Variants in WDR27 observed in about 807,000 individuals in gnomAD.
The protein encoded by WDR27 is WD repeat-containing protein 27.
A neutral mutation model predicts 114.4 loss-of-function variants in WDR27; 100 were observed. The ratio of observed to expected loss-of-function variants is 0.87; its 90% CI spans 0.74 to 1.03. The LOEUF (loss-of-function observed/expected upper bound fraction) is 1.03, where lower values mean the gene tolerates loss of function less well. WDR27 is among the 50% of genes least tolerant of loss of function. WDR27 has a pLI of 0.00. For missense variants in WDR27, 1,129 were observed against 1,092.9 expected, an observed-to-expected ratio of 1.03 and a Z score of -0.47; for synonymous variants, 449 against 423.1, an observed-to-expected ratio of 1.06 and a Z score of -0.75.
rs1444877606 is a variant in WDR27 at position 169,686,551 on chromosome 6, A to C, written c.189+2266T>G. 4.6e-5 allele frequency among the ~76,000 whole-genome samples: 7 copies of C among 152,294 alleles called. No individual in the cohort carries two copies. The East Asian group carries it at 1.3e-3, about 29-fold the overall frequency. ...ACCAATAAAGACACACATAGTCTTA[A>C]AGTGAAGGGATGGAAAAATATATTC... On this transcript the variant is annotated intron_variant, in intron 2 of 25. Coordinates refer to ENST00000448612, the MANE Select transcript of WDR27 (RefSeq NM_182552.5).
intron 17 of WDR27, among the ~76,000 whole-genome samples, chr6:169,641,850 G>A (rs1318820863): frequency 2.0e-5 from 3 of 152,264 alleles, no homozygotes; most frequent in Admixed American, 6.5e-5. Context: ...CGTCACAGAT[G>A]ACGCAGCTCT....
At position 169,659,490 on chromosome 6, in the gene WDR27, G is replaced by A. The variant is rs145654559; in HGVS notation, c.1158C>T (p.Ala386=). 2.8e-5 allele frequency: 45 copies of A among 1,610,360 alleles called. No homozygotes were observed. The highest frequency in any genetic ancestry group is 3.5e-5 in the Non-Finnish European group (41 of 1,178,368). Residue 386 remains alanine, a synonymous_variant, in exon 11 of 26, where the codon GCC becomes GCT. Transcript: ENST00000448612. This position sits in a 1 kb window ranked among gnomAD's most constrained non-coding sequence, Gnocchi z 4.3. The part of the protein sequence containing the change: ...KDFQSLSILL[A]GSCALRNRTA... ...TGCGGTTCCTCAGGGCACACGATCC[G>A]GCCAGCAGGATGCTGAGGCTCTGGA... is the stretch of plus-strand genomic sequence containing the variant.
rs1818337544 is a variant in WDR27, at chr6:169,638,662, T to G, written c.1748-2A>C. The G allele has an allele frequency of 4.4e-6, 7 of 1,599,904 alleles. No individual in the cohort carries two copies. The highest frequency in any genetic ancestry group is 6.0e-6 in the Non-Finnish European group (7 of 1,173,248). On this transcript the variant is annotated splice_acceptor_variant, in intron 17 of 25. Transcript: ENST00000448612. LOFTEE classifies it high-confidence loss of function. ...CGGCATTCACTGCCCCGTCGTGACC[T>G]AACAGGAATGACCACAGAAGGTTAC...
chr6:169,448,685 C>A, the WDR27 span, among the ~76,000 whole-genome samples: 2 of 152,194 alleles, frequency 1.3e-5, no homozygotes, highest in Non-Finnish European at 2.9e-5. Context: ...CATTCACCGA[C>A]CTGCACGTGG....
chr6:169,691,006 G>A (rs981441178), intron 1 of WDR27, among the ~76,000 whole-genome samples: 5 of 152,192 alleles, frequency 3.3e-5, no homozygotes, highest in Non-Finnish European at 7.3e-5. Context: ...ACGAGGTCAG[G>A]AGATCGAGAC....
At chr6:169,452,699 GGAT>G (rs1784206652), downstream of WDR27, among the ~76,000 whole-genome samples, 1 of 152,232 alleles carries the variant, frequency 6.6e-6, no homozygotes, top group Non-Finnish European at 1.5e-5. Context: ...GGGAGACCCA[GGAT>G]CAGCACCACG....
At chr6:169,596,751 T>C (rs950656468) in intron 23 of WDR27, among the ~76,000 whole-genome samples, 1 of 152,134 alleles carries the variant, frequency 6.6e-6, no homozygotes, top group Non-Finnish European at 1.5e-5. Context: ...ACATAAGATC[T>C]TGGTTCTACA....
chr6:169,651,483 C>T (rs969153869), intron 14 of WDR27, among the ~76,000 whole-genome samples: 3 of 152,086 alleles, frequency 2.0e-5, no homozygotes, highest in Non-Finnish European at 4.4e-5. Flanking sequence ...ATCTCCTTGC[C>T]TTTGAGCAGT....
intron 25 of WDR27, among the ~76,000 whole-genome samples, chr6:169,459,498 A>G (rs1456537847): frequency 2.0e-5 from 3 of 151,576 alleles, no homozygotes; most frequent in Non-Finnish European, 4.4e-5. Flanking sequence ...ACAGTTGAAA[A>G]CTCCCAAATT....
the WDR27 span, among the ~76,000 whole-genome samples, chr6:169,439,625 A>G: frequency 2.0e-5 from 3 of 150,460 alleles, no homozygotes; most frequent in South Asian, 6.4e-4. Context: ...TATGACTTTT[A>G]TTTGAAACAT....
chr6:169,617,316 C>T (rs1812090041), intron 21 of WDR27, among the ~76,000 whole-genome samples: 1 of 152,152 alleles, frequency 6.6e-6, no homozygotes, highest in African/African-American at 2.4e-5. Context: ...ATGTAGAGCC[C>T]ACAGATTGGT....
Position 169,626,235 on chromosome 6 carries a change from C to T in WDR27, c.2223+6712G>A, listed in dbSNP as rs112232373. On this transcript the variant is annotated intron_variant, in intron 21 of 25. Coordinates refer to ENST00000448612, the MANE Select transcript of WDR27 (RefSeq NM_182552.5). ...ATAGGTGGGACAGAAGACGGCAGCGCTAGGCCTCCCACACCTGCACCTATG... is the reference window on the plus strand; with the variant it reads ...ATAGGTGGGACAGAAGACGGCAGCGTTAGGCCTCCCACACCTGCACCTATG... Among the ~76,000 whole-genome samples, 3 of 152,202 alleles carry T rather than the reference C, an allele frequency of 2.0e-5. No homozygotes were observed. The East Asian group carries it at 5.8e-4, about 29-fold the overall frequency.
intron 24 of WDR27, among the ~76,000 whole-genome samples, chr6:169,582,205 C>A (rs896740457): frequency 9.9e-5 from 15 of 152,156 alleles, no homozygotes; most frequent in East Asian, 1.9e-4. Flanking sequence ...GGACTCCTGA[C>A]CTCAGGTGAT....
At chr6:169,600,920 T>C (rs1229060954) in intron 23 of WDR27, among the ~76,000 whole-genome samples, 3 of 152,064 alleles carry the variant, frequency 2.0e-5, no homozygotes, top group African/African-American at 7.2e-5. Context: ...ACTTCCCCCA[T>C]CTAGCAAGGC....
intron 3 of WDR27, chr6:169,671,988 A>G: frequency 7.0e-6 from 2 of 287,054 alleles, no homozygotes; most frequent in Non-Finnish European, 6.4e-6. Flanking sequence ...TAAAATAAAA[A>G]GGGACATAAG....
the WDR27 span, among the ~76,000 whole-genome samples, chr6:169,434,324 G>A: frequency 1.3e-5 from 2 of 152,074 alleles, no homozygotes; most frequent in Admixed American, 6.6e-5. Flanking sequence ...AGTTTTCCCA[G>A]CTTTTATTAA....
At chr6:169,596,990 G>A (rs1806922235) in intron 23 of WDR27, among the ~76,000 whole-genome samples, 1 of 152,064 alleles carries the variant, frequency 6.6e-6, no homozygotes, top group Non-Finnish European at 1.5e-5. Context: ...GGTGCATACA[G>A]GTTTATGACA....
chr6:169,585,657 A>G (rs574661064), intron 23 of WDR27, among the ~76,000 whole-genome samples: 1 of 152,378 alleles, frequency 6.6e-6, no homozygotes, highest in South Asian at 2.1e-4. Flanking sequence ...TAAGCTAAAG[A>G]AAAGAAAATG....
chr6:169,609,172 G>A (rs1031532804), intron 22 of WDR27, among the ~76,000 whole-genome samples: 7 of 151,930 alleles, frequency 4.6e-5, no homozygotes, highest in East Asian at 2.0e-4. Context: ...TTGAGTGTCT[G>A]CAGCTTTTCC....
Sources: allele counts gnomAD v4.1 joint callset (sites outside exome capture counted in the v4.1 genomes callset), GRCh38; gene constraint gnomAD v4.1.1; non-coding constraint Gnocchi (gnomAD v3.1); transcripts MANE v1.5; gene names NCBI Gene and HGNC (gene_info 2026-07-23, HGNC 2026-07-21).